The following ZBTB25 variants were observed in gnomAD, a reference collection of about 807,000 sequenced individuals.
ZBTB25 encodes zinc finger and BTB domain-containing protein 25.
ZBTB25 carries 20 observed loss-of-function variants against 34.2 expected under a neutral mutation model. The ratio of observed to expected loss-of-function variants is 0.58; its 90% CI spans 0.41 to 0.85. ZBTB25 has a LOEUF of 0.85. Ranked by LOEUF, ZBTB25 falls within the 40% of genes least tolerant of loss-of-function variation. The probability of loss-of-function intolerance (pLI) is 0.00; values close to 1 mark genes in which losing one functional copy is unlikely to be tolerated. For synonymous variants in ZBTB25, 175 were observed against 186.4 expected (o/e 0.94, Z 0.50); for missense variants, 437 against 521.8 (o/e 0.84, Z 1.58).
At chr14:64,490,572 G>A (rs1192658345) in intron 1 of ZBTB25, 32 bp from the exon 2 acceptor site, 6 of 1,564,282 alleles carry the variant, frequency 3.8e-6, no homozygotes, top group African/African-American at 1.4e-5. Context: ...ATGTAGATAG[G>A]TGTGTATGTA....
chr14:64,475,142 T>C (rs974097963), downstream of ZBTB25, among the ~76,000 whole-genome samples: 10 of 152,266 alleles, frequency 6.6e-5, no homozygotes, highest in Non-Finnish European at 1.5e-4. Context: ...TTTTGCAGGA[T>C]TTTTAAAAGT....
At chr14:64,449,226 C>T (rs966273423) in exon 3 of ZBTB25, 4 of 615,364 alleles carry the variant, frequency 6.5e-6, no homozygotes, top group African/African-American at 3.7e-5. Context: ...TGATTATTCG[C>T]GTATTACCAG....
chr14:64,504,850 T>G, upstream of ZBTB25: 2 of 396,272 alleles, frequency 5.0e-6, no homozygotes, highest in Non-Finnish European at 4.4e-6. Context: ...CCGCCGCCAC[T>G]GCAGCTCGCG....
At chr14:64,493,924 T>C (rs2079176260) in intron 1 of ZBTB25, among the ~76,000 whole-genome samples, 1 of 150,788 alleles carries the variant, frequency 6.6e-6, no homozygotes, top group South Asian at 2.1e-4. Flanking sequence ...GGTATCTAAG[T>C]AGAAATGTTT....
At chr14:64,498,790 C>A (rs2079380563) in intron 1 of ZBTB25, among the ~76,000 whole-genome samples, 2 of 152,196 alleles carry the variant, frequency 1.3e-5, no homozygotes, top group South Asian at 4.1e-4. Context: ...CCCACCACCA[C>A]ACCCAGCTAA....
chr14:64,496,260 G>A (rs1033344790), intron 1 of ZBTB25, among the ~76,000 whole-genome samples: 4 of 151,914 alleles, frequency 2.6e-5, no homozygotes, highest in African/African-American at 4.8e-5. Context: ...CAAGGCAGGC[G>A]GATCACAAGG....
At chr14:64,449,741 C>A in intron 2 of ZBTB25, 3 of 1,203,302 alleles carry the variant, frequency 2.5e-6, no homozygotes, top group Non-Finnish European at 2.4e-6. Flanking sequence ...GGTTTGATTC[C>A]CACGTAGGTG....
chr14:64,472,413 CAG>C (rs771579440), intron 2 of ZBTB25: 1 of 166,900 alleles, frequency 6.0e-6, no homozygotes, highest in Non-Finnish European at 1.5e-5. Flanking sequence ...TTTAAAAAAA[CAG>C]ATAAATGGTA....
At chr14:64,495,811 C>A (rs548030249) in intron 1 of ZBTB25, among the ~76,000 whole-genome samples, 1 of 151,788 alleles carries the variant, frequency 6.6e-6, no homozygotes, top group Non-Finnish European at 1.5e-5. Context: ...ACAAAATTAG[C>A]GGGTGTGGTG....
chr14:64,504,022 A>C (rs1008628462), upstream of ZBTB25: 1 of 152,076 alleles, frequency 6.6e-6, no homozygotes, highest in Non-Finnish European at 1.5e-5. Flanking sequence ...CCCCACAAAC[A>C]ACCGCGTGAC....
At chr14:64,489,408 T>C (rs1384817013) in intron 2 of ZBTB25, among the ~76,000 whole-genome samples, 2 of 152,250 alleles carry the variant, frequency 1.3e-5, no homozygotes, top group African/African-American at 4.8e-5. Context: ...TGCATGGGCA[T>C]GTTACTTAAC....
At chr14:64,463,627 C>CAAA (rs199975542) in intron 2 of ZBTB25, among the ~76,000 whole-genome samples, 7 of 123,460 alleles carry the variant, frequency 5.7e-5, no homozygotes, top group East Asian at 4.4e-4. Flanking sequence ...GCCATCTCTA[C>CAAA]AAAAAAAAAA....
chr14:64,476,703 T>C (rs1332779455), downstream of ZBTB25, among the ~76,000 whole-genome samples: 5 of 152,062 alleles, frequency 3.3e-5, no homozygotes, highest in South Asian at 2.1e-4. Context: ...ATGCAGAAAA[T>C]GCCAAAACAA....
At chr14:64,502,718 G>A (rs2140035006) in intron 1 of ZBTB25, 2 of 985,612 alleles carry the variant, frequency 2.0e-6, no homozygotes, top group Non-Finnish European at 2.4e-6. Context: ...GCATGGTGGA[G>A]AGTGCAATCA....
rs745930738 is a variant in ZBTB25, at chr14:64,480,322, CAAAAAA to C, written c.*6595_*6600del. 2,164 of 206,570 alleles carry C rather than the reference CAAAAAA, an allele frequency of 0.01. No homozygotes were observed. The highest frequency in any genetic ancestry group is 0.013 in the East Asian group (69 of 5,260). 12.8% of individuals were successfully genotyped at this position (206,570 alleles called of 1,614,324 possible). On this transcript the variant is annotated 3_prime_UTR_variant, in exon 3 of 3. Transcript: ENST00000608382. ...TGGGCAACAGAGCAAGACTCCATCT[CAAAAAA>C]AAAAAAAAAAAAAAAAAAGAAGAAG...
intron 1 of ZBTB25, chr14:64,503,017 T>G: frequency 2.0e-6 from 2 of 985,444 alleles, no homozygotes; most frequent in Non-Finnish European, 2.4e-6. Flanking sequence ...ACATGCTAGG[T>G]GCCGTCAGGT....
chr14:64,496,681 G>C (rs972895473), intron 1 of ZBTB25, among the ~76,000 whole-genome samples: 17 of 152,144 alleles, frequency 1.1e-4, no homozygotes, highest in African/African-American at 4.1e-4. Context: ...TTTACATTTT[G>C]CAATCCTCTT....
At chr14:64,457,973 C>T (rs573577207) in intron 2 of ZBTB25, 3 of 582,746 alleles carry the variant, frequency 5.1e-6, no homozygotes, top group Non-Finnish European at 9.2e-6. Context: ...TCACTGTGGC[C>T]TCAACCTCCT....
At chr14:64,451,470 C>T (rs1409356244) in intron 2 of ZBTB25, among the ~76,000 whole-genome samples, 2 of 152,244 alleles carry the variant, frequency 1.3e-5, no homozygotes, top group Non-Finnish European at 2.9e-5. Flanking sequence ...TTAACATTGA[C>T]ATTGACATTC....
Sources: gnomAD v4.1 joint callset for allele counts (sites outside exome capture counted in the v4.1 genomes callset) on GRCh38, gnomAD v4.1.1 for gene constraint, MANE v1.5 for transcripts, NCBI Gene and HGNC (gene_info 2026-07-23, HGNC 2026-07-21) for gene names.